The following FAM120B variants were observed in gnomAD, a reference collection of about 807,000 sequenced individuals.
FAM120B encodes family with sequence similarity 120 member B.
In FAM120B, 83 loss-of-function variants were observed where a neutral mutation model predicts 96.3. The observed-to-expected ratio is 0.86, with a 90% CI of 0.72 to 1.03. The LOEUF (loss-of-function observed/expected upper bound fraction) is 1.03, where lower values mean the gene tolerates loss of function less well. Ranked by LOEUF, FAM120B falls within the 50% of genes least tolerant of loss-of-function variation. The probability of loss-of-function intolerance (pLI) is 0.00; values close to 1 mark genes in which losing one functional copy is unlikely to be tolerated. For missense variants in FAM120B, 1,027 were observed against 1,121.2 expected (o/e 0.92, Z 1.20); for synonymous variants, 407 against 402.7 (o/e 1.01, Z -0.13).
In FAM120B at chr6:170,317,972, CG is replaced by C. The variant is rs777357856; in HGVS notation, c.583del (p.Glu195SerfsTer4). The C allele has an allele frequency of 2.7e-5, 44 of 1,613,706 alleles. No individual in the cohort carries two copies. Among genetic ancestry groups the C allele is most frequent in the Non-Finnish European group, 3.3e-5 (39 of 1,179,814 alleles). On this transcript the variant is annotated frameshift_variant, in exon 2 of 11. Transcript: ENST00000476287. LOFTEE classifies it high-confidence loss of function. ...ACACTTGTCCCTACTTTTCAATTAGCGAGCTCTGCCTAGAGAGCCTGGACAC... is the reference window on the plus strand; with the variant it reads ...ACACTTGTCCCTACTTTTCAATTAGCAGCTCTGCCTAGAGAGCCTGGACAC... ...YDTCPYFSIS[E>X]LCLESLDTVM...
intron 6 of FAM120B, among the ~76,000 whole-genome samples, chr6:170,362,420 G>A (rs546412268): frequency 2.0e-5 from 3 of 152,330 alleles, no homozygotes; most frequent in Admixed American, 6.5e-5. Flanking sequence ...GTCTAGGAAT[G>A]TGGAAAGAGG....
At chr6:170,388,198 T>G in intron 6 of FAM120B, 89 bp from the exon 7 acceptor site, 1 of 1,117,880 alleles carries the variant, frequency 8.9e-7, no homozygotes, top group Non-Finnish European at 1.3e-6. Flanking sequence ...GCATCCGTTC[T>G]GAGCAGAGTA....
upstream of FAM120B, among the ~76,000 whole-genome samples, chr6:170,291,492 G>C (rs887658523): frequency 2.0e-5 from 3 of 152,060 alleles, no homozygotes; most frequent in Admixed American, 6.5e-5. Context: ...CCCCTTCTTC[G>C]GGGCAGGCGC....
Position 170,405,087 on chromosome 6 carries a change from T to C in FAM120B, c.*336T>C, listed in dbSNP as rs1778759838. 1.3e-5 allele frequency: 2 copies of C among 157,424 alleles called. No individual in the cohort carries two copies. Among genetic ancestry groups the C allele is most frequent in the South Asian group, 1.9e-4 (1 of 5,202 alleles). 9.8% of individuals were successfully genotyped at this position (157,424 alleles called of 1,614,324 possible). ...AATGGGAATCTGTTGTATTCTGATT[T>C]TTTATTAGCAACACTAGATTATGAG... On this transcript the variant is annotated 3_prime_UTR_variant, in exon 11 of 11. Coordinates refer to ENST00000476287, the MANE Select transcript of FAM120B (RefSeq NM_032448.3).
chr6:170,367,486 G>A (rs184243816), intron 6 of FAM120B, among the ~76,000 whole-genome samples: 147 of 152,350 alleles, frequency 9.6e-4, no homozygotes, highest in African/African-American at 3.1e-3. Flanking sequence ...GAACGGCTGC[G>A]AGAGACATCA....
chr6:170,356,042 C>T (rs1403080131), intron 5 of FAM120B, among the ~76,000 whole-genome samples: 1 of 152,160 alleles, frequency 6.6e-6, no homozygotes, highest in Non-Finnish European at 1.5e-5. Flanking sequence ...GGTCACGCAG[C>T]GCAGTTCTAC....
At chr6:170,291,692 C>T (rs1416793817), upstream of FAM120B, among the ~76,000 whole-genome samples, 1 of 152,186 alleles carries the variant, frequency 6.6e-6, no homozygotes, top group Non-Finnish European at 1.5e-5. Flanking sequence ...GAGTGCAGAG[C>T]CGACGCGCGG....
chr6:170,322,260 G>A (rs1057403733), intron 2 of FAM120B, among the ~76,000 whole-genome samples: 3 of 152,176 alleles, frequency 2.0e-5, no homozygotes, highest in African/African-American at 4.8e-5. Context: ...AATATAGTAC[G>A]GCTTCTAACA....
intron 6 of FAM120B, among the ~76,000 whole-genome samples, chr6:170,372,095 T>A (rs1180619853): frequency 6.6e-6 from 1 of 152,230 alleles, no homozygotes; most frequent in East Asian, 1.9e-4. Context: ...TCGTTAGGAA[T>A]AATAAGAGCT....
chr6:170,339,841 T>TTTCTG (rs1786697279), intron 4 of FAM120B, among the ~76,000 whole-genome samples: 1 of 148,658 alleles, frequency 6.7e-6, no homozygotes, highest in African/African-American at 2.5e-5. Flanking sequence ...GCTTGTAGGG[T>TTTCTG]TTCTGCAGAG....
chr6:170,389,590 G>T (rs1292994285), intron 7 of FAM120B, among the ~76,000 whole-genome samples: 5 of 151,380 alleles, frequency 3.3e-5, no homozygotes, highest in Admixed American at 6.6e-5. Context: ...ACAGGGTCTT[G>T]CTCTGTTGCC....
intron 1 of FAM120B, among the ~76,000 whole-genome samples, chr6:170,297,589 G>A (rs971528142): frequency 7.2e-6 from 1 of 139,052 alleles, no homozygotes; most frequent in African/African-American, 2.6e-5. Context: ...CCCGAAAAAC[G>A]TGTGAAGTTA....
chr6:170,297,712 TG>T (rs1159338053), intron 1 of FAM120B, among the ~76,000 whole-genome samples: 3 of 152,168 alleles, frequency 2.0e-5, no homozygotes, highest in Non-Finnish European at 2.9e-5. Flanking sequence ...TTGGCCCACA[TG>T]GGCATAGGGA....
chr6:170,297,304 C>G (rs956828741), intron 1 of FAM120B, among the ~76,000 whole-genome samples: 4 of 152,212 alleles, frequency 2.6e-5, no homozygotes, highest in African/African-American at 9.6e-5. Context: ...TCGAACGCGC[C>G]GTGCTTCCCC....
At chr6:170,297,418 C>T (rs1251849476) in intron 1 of FAM120B, among the ~76,000 whole-genome samples, 1 of 152,242 alleles carries the variant, frequency 6.6e-6, no homozygotes. Flanking sequence ...GGCATTCAGA[C>T]GTGGCCACAA....
chr6:170,371,060 T>C (rs986311380), intron 6 of FAM120B, among the ~76,000 whole-genome samples: 1 of 151,876 alleles, frequency 6.6e-6, no homozygotes, highest in African/African-American at 2.4e-5. Flanking sequence ...GAACACAGAG[T>C]TGTTGTTCAG....
intron 1 of FAM120B, among the ~76,000 whole-genome samples, chr6:170,309,733 A>G (rs1388896595): frequency 6.6e-6 from 1 of 152,246 alleles, no homozygotes; most frequent in East Asian, 1.9e-4. Context: ...GCTAACTATG[A>G]TAAGAGCATA....
At chr6:170,357,867 C>T (rs577208842) in intron 5 of FAM120B, among the ~76,000 whole-genome samples, 1 of 152,342 alleles carries the variant, frequency 6.6e-6, no homozygotes, top group East Asian at 1.9e-4. Context: ...AGCCAGGAGC[C>T]AAGGATGGTG....
intron 4 of FAM120B, among the ~76,000 whole-genome samples, chr6:170,346,013 G>A (rs1402082974): frequency 6.6e-6 from 1 of 152,228 alleles, no homozygotes; most frequent in African/African-American, 2.4e-5. Flanking sequence ...GTAGGCAGCT[G>A]TAACAGTGGC....
Sources: gnomAD v4.1 joint callset for allele counts (sites outside exome capture counted in the v4.1 genomes callset) on GRCh38, gnomAD v4.1.1 for gene constraint, MANE v1.5 for transcripts, NCBI Gene and HGNC (gene_info 2026-07-23, HGNC 2026-07-21) for gene names.